NCAPD2: variants seen among roughly 807,000 people sequenced by gnomAD.
The protein encoded by NCAPD2 is condensin complex subunit 1.
NCAPD2 carries 100 observed loss-of-function variants against 164.5 expected under a neutral mutation model. That is an observed-to-expected ratio of 0.61 (90% CI 0.52 to 0.72). The LOEUF is 0.72. Ranked by LOEUF, NCAPD2 falls within the 30% of genes least tolerant of loss-of-function variation. NCAPD2 has a pLI of 0.00. For missense variants in NCAPD2, 1,560 were observed against 1,749.2 expected, an observed-to-expected ratio of 0.89 and a Z score of 1.93; for synonymous variants, 585 against 642.6, an observed-to-expected ratio of 0.91 and a Z score of 1.36.
chr12:6,494,158 A>G lies in NCAPD2; in HGVS notation c.-24+4A>G, dbSNP rs764859663. 3.9e-5 allele frequency: 6 copies of G among 152,340 alleles called. No homozygotes were observed. The highest frequency in any genetic ancestry group is 7.3e-5 in the Non-Finnish European group (5 of 68,118). The allele number at this position is 152,340 out of a possible 1,614,324, so 9.4% of individuals were successfully genotyped here. On this transcript the variant is annotated splice_donor_region_variant and intron_variant, in intron 1 of 31. Transcript: ENST00000315579. The stretch of plus-strand genomic sequence containing the variant: ...GAGCCGCGGGTGAGATCCCCAGGTA[A>G]GATGTGGTGTTGCAGGTCGTAAAAG...
At chr12:6,508,104 G>T (rs1166975833) in intron 2 of NCAPD2, among the ~76,000 whole-genome samples, 1 of 152,146 alleles carries the variant, frequency 6.6e-6, no homozygotes, top group Non-Finnish European at 1.5e-5. Flanking sequence ...GCCGAGGCAG[G>T]TGGATCATGA....
At chr12:6,514,969 C>A (rs1215409211) in intron 9 of NCAPD2, 49 bp downstream of exon 9, 1 of 1,603,942 alleles carries the variant, frequency 6.2e-7, no homozygotes, top group Non-Finnish European at 8.5e-7. Context: ...GATTTTAAGT[C>A]CAGTGTTGAA....
rs140560845 is a variant in NCAPD2, at chr12:6,501,797, G to A, written c.127+6572G>A. ...AGAAGAAATTAAGAAGCAGTCATTG[G>A]GGCAGAAAGCGAATGAAGGAGCTAA... On this transcript the variant is annotated intron_variant, in intron 2 of 31. Transcript: ENST00000315579. Among the ~76,000 whole-genome samples, 146 of 152,288 alleles carry A rather than the reference G, an allele frequency of 9.6e-4. 1 individual carries two copies. The highest frequency in any genetic ancestry group is 3.3e-3 in the African/African-American group (138 of 41,574).
At chr12:6,513,348 C>G (rs1565542379) in intron 6 of NCAPD2, among the ~76,000 whole-genome samples, 1 of 152,060 alleles carries the variant, frequency 6.6e-6, no homozygotes, top group African/African-American at 2.4e-5. Context: ...TGAGATCAGC[C>G]TGGACAACAT....
chr12:6,522,516 T>C (rs1362124543), intron 15 of NCAPD2, among the ~76,000 whole-genome samples: 1 of 151,806 alleles, frequency 6.6e-6, no homozygotes. Flanking sequence ...GCCCGGGAGT[T>C]TGAGGCTACA....
In NCAPD2 at chr12:6,523,399, T is replaced by TTG; in HGVS notation, c.2214+54_2214+55insGT. Reference sequence around the variant, plus strand: ...ATTCATTCAACAAGTATTTTGGTTGTTTTTTTTTTTTTTTTTGAGACGGAG... The same window carrying TTG: ...ATTCATTCAACAAGTATTTTGGTTGTTGTTTTTTTTTTTTTTTTGAGACGGAG... On this transcript the variant is annotated intron_variant, in intron 17 of 31. Coordinates refer to ENST00000315579, the MANE Select transcript of NCAPD2 (RefSeq NM_014865.4). 6 of 800,448 alleles carry TTG rather than the reference T, an allele frequency of 7.5e-6. No individual in the cohort carries two copies. In the African/African-American group the frequency reaches 2.6e-4, roughly 34 times the overall value. The allele number at this position is 800,448 out of a possible 1,614,324, so 49.6% of individuals were successfully genotyped here.
chr12:6,494,715 G>A (rs1289952026), intron 1 of NCAPD2, among the ~76,000 whole-genome samples: 1 of 152,094 alleles, frequency 6.6e-6, no homozygotes, highest in East Asian at 1.9e-4. Flanking sequence ...AAACACCTTC[G>A]TACTGCTTGA....
At position 6,522,910 on chromosome 12, in the gene NCAPD2, G is replaced by C; in HGVS notation, c.2037G>C (p.Leu679=). 6.2e-7 allele frequency: 1 copy of C among 1,614,194 alleles called. No homozygotes were observed. The highest frequency in any genetic ancestry group is 8.5e-7 in the Non-Finnish European group (1 of 1,180,042). ...CCCTGTTTGGGGTGCGCCGTATGCT[G>C]CCTCTCATCTGGTCTAAGGAGCCTG... The part of the protein sequence containing the change: ...PQALFGVRRM[L]PLIWSKEPGV... The change falls in exon 16 of 32, where the codon CTG becomes CTC. Residue 679 remains leucine (L), a synonymous_variant. Coordinates refer to ENST00000315579, the MANE Select transcript of NCAPD2 (RefSeq NM_014865.4).
chr12:6,522,140 C>T (rs1237121819), intron 15 of NCAPD2, 103 bp downstream of exon 15: 2 of 1,310,458 alleles, frequency 1.5e-6, no homozygotes, highest in Non-Finnish European at 2.1e-6. Flanking sequence ...TCCTTTGTTG[C>T]TCAGGCTGGT....
intron 2 of NCAPD2, among the ~76,000 whole-genome samples, chr12:6,498,971 G>A (rs1025711753): frequency 2.6e-5 from 4 of 152,074 alleles, no homozygotes; most frequent in Admixed American, 6.6e-5. Context: ...CTTGCACTTT[G>A]GGGCCATTAT....
chr12:6,518,533 T>TTTTTTTTTTTTTTTG, intron 13 of NCAPD2, among the ~76,000 whole-genome samples: 1 of 138,600 alleles, frequency 7.2e-6, no homozygotes, highest in Non-Finnish European at 1.5e-5. Flanking sequence ...TTTTTTTTTT[T>TTTTTTTTTTTTTTTG]TGAGATGGAG....
At chr12:6,497,183 G>A (rs1033166324) in intron 2 of NCAPD2, among the ~76,000 whole-genome samples, 2 of 152,134 alleles carry the variant, frequency 1.3e-5, no homozygotes, top group African/African-American at 2.4e-5. Flanking sequence ...GTGTCCACAG[G>A]TATACTATTC....
chr12:6,520,868 A>T, intron 13 of NCAPD2, 118 bp from the exon 14 acceptor site: 3 of 1,379,046 alleles, frequency 2.2e-6, no homozygotes, highest in Non-Finnish European at 2.0e-6. Context: ...TAAGCATGTT[A>T]AGTGCTCCTT....
chr12:6,531,147 A>T lies in NCAPD2; in HGVS notation c.4120+71A>T. 2 of 1,589,094 alleles carry T rather than the reference A, an allele frequency of 1.3e-6. No homozygotes were observed. Among genetic ancestry groups the T allele is most frequent in the Non-Finnish European group, 1.7e-6 (2 of 1,163,944 alleles). On this transcript the variant is annotated intron_variant, in intron 31 of 31. Coordinates refer to ENST00000315579, the MANE Select transcript of NCAPD2 (RefSeq NM_014865.4). The surrounding 1 kb of genome is among the most constrained non-coding windows in gnomAD (Gnocchi z 4.1). ...GGTGCAGAGGGCTGGTTTCCATAGG[A>T]CCTGCTGCGGGGGCCTGAGTGTAGA... is the stretch of plus-strand genomic sequence containing the variant.
chr12:6,504,240 T>TATATATATATATAC (rs1946078261), intron 2 of NCAPD2, among the ~76,000 whole-genome samples: 1 of 71,166 alleles, frequency 1.4e-5, no homozygotes, highest in Non-Finnish European at 3.3e-5. Flanking sequence ...TATATATATA[T>TATATATATATATAC]ATACCATTGG....
Position 6,529,960 on chromosome 12 carries a change from T to G in NCAPD2, c.3837+2T>G. On this transcript the variant is annotated splice_donor_variant, in intron 29 of 31. Coordinates refer to ENST00000315579, the MANE Select transcript of NCAPD2 (RefSeq NM_014865.4). LOFTEE classifies it high-confidence loss of function. ...CGTGGGGCCAAGCCTGAGGGCAAGGTGAGCAGCACAGGACACTTCAATGCC... is the reference window on the plus strand; with the variant it reads ...CGTGGGGCCAAGCCTGAGGGCAAGGGGAGCAGCACAGGACACTTCAATGCC... The G allele has an allele frequency of 6.2e-7, 1 of 1,612,570 alleles. No homozygotes were observed. Among genetic ancestry groups the G allele is most frequent in the Non-Finnish European group, 8.5e-7 (1 of 1,179,026 alleles).
intron 2 of NCAPD2, 116 bp downstream of exon 2, chr12:6,495,341 A>G: frequency 1.5e-6 from 2 of 1,324,504 alleles, no homozygotes; most frequent in Non-Finnish European, 2.1e-6. Context: ...AGCAAGAAAC[A>G]TGTTTTTCCT....
chr12:6,517,233 C>T, intron 10 of NCAPD2, 132 bp from the exon 11 acceptor site: 3 of 1,386,004 alleles, frequency 2.2e-6, no homozygotes, highest in South Asian at 1.4e-5. Context: ...AAGGAGTACT[C>T]CTAATCTATA....
Position 6,521,906 on chromosome 12 carries a change from C to A in NCAPD2, c.1823C>A (p.Ser608Tyr), listed in dbSNP as rs574753127. 1.2e-6 allele frequency: 2 copies of A among 1,614,054 alleles called. No individual in the cohort carries two copies. Among genetic ancestry groups the A allele is most frequent in the Admixed American group, 1.7e-5 (1 of 60,006 alleles). The change falls in exon 15 of 32, where the codon TCC (serine) becomes TAC (tyrosine). Residue 608 changes from serine (S) to tyrosine (Y), a missense_variant. Coordinates refer to ENST00000315579, the MANE Select transcript of NCAPD2 (RefSeq NM_014865.4). Reference protein sequence around the residue: ...NKPNMSDPEESRGNDELVKQE... With the variant: ...NKPNMSDPEEYRGNDELVKQE... Reference sequence around the variant, plus strand: ...CCCAATATGTCGGATCCTGAGGAATCCAGGGGAAATGATGAACTAGTGAAG... The same window carrying A: ...CCCAATATGTCGGATCCTGAGGAATACAGGGGAAATGATGAACTAGTGAAG...
Sources: gnomAD v4.1 joint callset for allele counts (sites outside exome capture counted in the v4.1 genomes callset) on GRCh38, gnomAD v4.1.1 for gene constraint, Gnocchi (gnomAD v3.1) non-coding constraint, MANE v1.5 for transcripts, NCBI Gene and HGNC (gene_info 2026-07-23, HGNC 2026-07-21) for gene names.